Variants in LOC122539214 observed in about 807,000 individuals in gnomAD.
the LOC122539214 span, among the ~76,000 whole-genome samples, chr19:52,687,632 T>A: frequency 1.2e-3 from 12 of 9,928 alleles, no homozygotes; most frequent in African/African-American, 6.6e-3. Flanking sequence ...ATATATATAA[T>A]GTATATATAT....
chr19:52,682,412 C>A, the LOC122539214 span, among the ~76,000 whole-genome samples: 1 of 151,942 alleles, frequency 6.6e-6, no homozygotes, highest in Non-Finnish European at 1.5e-5. Flanking sequence ...GTGGCTCATG[C>A]CTGAAATCCC....
the LOC122539214 span, among the ~76,000 whole-genome samples, chr19:52,653,459 C>T: frequency 0.016 from 2,374 of 152,234 alleles, 51 homozygotes; most frequent in African/African-American, 0.05. Flanking sequence ...TGCCTAAAAG[C>T]TTTGTCACAA....
the LOC122539214 span, among the ~76,000 whole-genome samples, chr19:52,686,183 T>G: frequency 0.7 from 105,997 of 151,928 alleles, 38,451 homozygotes; most frequent in African/African-American, 0.91. Context: ...GGTACCAAAG[T>G]TTTCCAATAA....
At chr19:52,690,049 C>T in the LOC122539214 span, among the ~76,000 whole-genome samples, 2 of 152,236 alleles carry the variant, frequency 1.3e-5, no homozygotes, top group African/African-American at 4.8e-5. Flanking sequence ...ACGGCCTCCC[C>T]GGGACAGGGG....
chr19:52,680,674 G>A, the LOC122539214 span, among the ~76,000 whole-genome samples: 23 of 133,814 alleles, frequency 1.7e-4, no homozygotes, highest in Non-Finnish European at 2.6e-4. Context: ...GTGCAGTGGC[G>A]CGATCTCGGC....
At chr19:52,681,622 C>A in the LOC122539214 span, among the ~76,000 whole-genome samples, 21 of 152,130 alleles carry the variant, frequency 1.4e-4, no homozygotes, top group Non-Finnish European at 2.9e-5. Context: ...AGGAAAATTA[C>A]CACAAATCAA....
At chr19:52,661,462 C>T in the LOC122539214 span, among the ~76,000 whole-genome samples, 10 of 152,300 alleles carry the variant, frequency 6.6e-5, no homozygotes, top group South Asian at 1.2e-3. Context: ...CACAGACTGA[C>T]CTCAGTTCTC....
chr19:52,662,826 G>A, the LOC122539214 span, among the ~76,000 whole-genome samples: 2 of 151,990 alleles, frequency 1.3e-5, no homozygotes, highest in African/African-American at 4.8e-5. Flanking sequence ...CCTATGTGAT[G>A]GACTGGAAGG....
the LOC122539214 span, among the ~76,000 whole-genome samples, chr19:52,670,333 C>T: frequency 6.6e-6 from 1 of 152,198 alleles, no homozygotes; most frequent in Non-Finnish European, 1.5e-5. Flanking sequence ...TTAGATTAGC[C>T]TGTGTGGTCT....
At chr19:52,652,461 A>G in the LOC122539214 span, 1 of 412,202 alleles carries the variant, frequency 2.4e-6, no homozygotes, top group East Asian at 7.3e-5. Context: ...TGACTGCCAC[A>G]ATTATCACAG....
the LOC122539214 span, among the ~76,000 whole-genome samples, chr19:52,687,629 T>TAA: frequency 6.0e-5 from 1 of 16,688 alleles, no homozygotes; most frequent in Non-Finnish European, 1.0e-4. Flanking sequence ...TATATATATA[T>TAA]AATGTATATA....
At chr19:52,684,134 C>T in the LOC122539214 span, among the ~76,000 whole-genome samples, 5 of 151,942 alleles carry the variant, frequency 3.3e-5, no homozygotes, top group Non-Finnish European at 7.4e-5. Context: ...TCTGGGAGGC[C>T]GAGGCTGGTG....
At chr19:52,688,078 T>C in the LOC122539214 span, among the ~76,000 whole-genome samples, 1 of 152,044 alleles carries the variant, frequency 6.6e-6, no homozygotes, top group Non-Finnish European at 1.5e-5. Context: ...TTTAATCAAG[T>C]TTTAAATTAT....
At chr19:52,675,639 G>A in the LOC122539214 span, among the ~76,000 whole-genome samples, 1 of 152,114 alleles carries the variant, frequency 6.6e-6, no homozygotes, top group Non-Finnish European at 1.5e-5. Flanking sequence ...TTACAAAATC[G>A]ATAGGCTGAA....
the LOC122539214 span, among the ~76,000 whole-genome samples, chr19:52,683,264 G>T: frequency 1.1e-5 from 1 of 89,264 alleles, no homozygotes; most frequent in Non-Finnish European, 2.6e-5. Context: ...GTGTGTGTGT[G>T]TGTGTGTGTG....
chr19:52,667,629 G>A, the LOC122539214 span, among the ~76,000 whole-genome samples: 1 of 152,148 alleles, frequency 6.6e-6, no homozygotes, highest in African/African-American at 2.4e-5. Context: ...TAATTGTAAA[G>A]GAAATTCTGT....
the LOC122539214 span, among the ~76,000 whole-genome samples, chr19:52,678,506 T>C: frequency 6.6e-6 from 1 of 151,400 alleles, no homozygotes; most frequent in Non-Finnish European, 1.5e-5. Flanking sequence ...TTGTTTCTTA[T>C]GTAAAAACAA....
the LOC122539214 span, among the ~76,000 whole-genome samples, chr19:52,669,432 A>G: frequency 6.6e-6 from 1 of 152,230 alleles, no homozygotes; most frequent in Admixed American, 6.5e-5. Flanking sequence ...TATTAATTAC[A>G]CTAGAGATGC....
the LOC122539214 span, among the ~76,000 whole-genome samples, chr19:52,663,791 AAAG>A: frequency 3.9e-5 from 6 of 152,260 alleles, no homozygotes; most frequent in African/African-American, 1.4e-4. Context: ...ATGTGAGGTC[AAAG>A]AAGAAAATTC....
Sources: gnomAD v4.1 joint callset for allele counts (sites outside exome capture counted in the v4.1 genomes callset) on GRCh38, gnomAD v4.1.1 for gene constraint, MANE v1.5 for transcripts.